TPST1: variants seen among roughly 807,000 people sequenced by gnomAD.
TPST1 encodes protein-tyrosine sulfotransferase 1.
In TPST1, 20 loss-of-function variants were observed where a neutral mutation model predicts 34.8. The observed-to-expected ratio is 0.57, with a 90% CI of 0.40 to 0.84. The LOEUF is 0.84. Ranked by LOEUF, TPST1 falls within the 40% of genes least tolerant of loss-of-function variation. The pLI, the probability that TPST1 is intolerant of heterozygous loss-of-function variation, is 0.00. For missense variants in TPST1, 353 were observed against 455.5 expected (o/e 0.78, Z 2.05); for synonymous variants, 152 against 159.4 (o/e 0.95, Z 0.35).
intron 1 of TPST1, among the ~76,000 whole-genome samples, chr7:66,215,436 G>A (rs963248076): frequency 2.7e-5 from 4 of 149,490 alleles, no homozygotes; most frequent in East Asian, 2.0e-4. Context: ...GTGAAGTGGC[G>A]CGATCTCGGC....
At chr7:66,342,056 GA>G (rs1180690427) in intron 3 of TPST1, among the ~76,000 whole-genome samples, 1 of 152,072 alleles carries the variant, frequency 6.6e-6, no homozygotes, top group Non-Finnish European at 1.5e-5. Flanking sequence ...TGGAATTCCA[GA>G]AAAAGAGAAT....
intron 1 of TPST1, among the ~76,000 whole-genome samples, chr7:66,215,424 G>A (rs1348842745): frequency 1.3e-5 from 2 of 151,518 alleles, no homozygotes; most frequent in Non-Finnish European, 2.9e-5. Context: ...GCCCAGGCTG[G>A]AGTGAAGTGG....
At chr7:66,238,683 G>C (rs1381918644) in intron 1 of TPST1, among the ~76,000 whole-genome samples, 1 of 152,178 alleles carries the variant, frequency 6.6e-6, no homozygotes, top group Non-Finnish European at 1.5e-5. Context: ...GTTGATTTAA[G>C]TGTTAATCAC....
At chr7:66,234,203 G>C (rs956938060) in intron 1 of TPST1, among the ~76,000 whole-genome samples, 3 of 152,100 alleles carry the variant, frequency 2.0e-5, no homozygotes. Flanking sequence ...CCGTTACATG[G>C]CTTTTGCATA....
At chr7:66,245,629 A>G (rs934283889) in intron 2 of TPST1, among the ~76,000 whole-genome samples, 7 of 152,262 alleles carry the variant, frequency 4.6e-5, no homozygotes, top group Non-Finnish European at 1.0e-4. Context: ...TGGTCACACA[A>G]AGAATCTTTG....
At chr7:66,231,350 T>A (rs1431284984) in intron 1 of TPST1, among the ~76,000 whole-genome samples, 3 of 152,240 alleles carry the variant, frequency 2.0e-5, no homozygotes, top group African/African-American at 7.2e-5. Context: ...AGTCCCATGC[T>A]GTGCGCTCGC....
chr7:66,249,971 G>C (rs1790229849), intron 2 of TPST1, among the ~76,000 whole-genome samples: 1 of 152,170 alleles, frequency 6.6e-6, no homozygotes. Context: ...AATGGAAAAG[G>C]GTTGATACTT....
chr7:66,298,936 A>T (rs1025569429), intron 3 of TPST1, among the ~76,000 whole-genome samples: 1 of 151,988 alleles, frequency 6.6e-6, no homozygotes, highest in East Asian at 1.9e-4. Flanking sequence ...ATCCTGGCTA[A>T]CATGGTGAAA....
chr7:66,301,319 G>C (rs913442233), intron 3 of TPST1, among the ~76,000 whole-genome samples: 5 of 152,230 alleles, frequency 3.3e-5, no homozygotes, highest in African/African-American at 1.2e-4. Context: ...GGAATGTCAT[G>C]GCTGGCTTTA....
chr7:66,245,504 T>A (rs1435878454), intron 2 of TPST1, among the ~76,000 whole-genome samples: 2 of 152,156 alleles, frequency 1.3e-5, no homozygotes, highest in Non-Finnish European at 2.9e-5. Context: ...TGATTAGATA[T>A]CAAGGGTAGG....
chr7:66,319,748 T>C (rs554146894), intron 3 of TPST1, among the ~76,000 whole-genome samples: 133 of 152,348 alleles, frequency 8.7e-4, no homozygotes, highest in Non-Finnish European at 1.5e-3. Flanking sequence ...GATAGGCAAG[T>C]GAGCATAGCA....
intron 2 of TPST1, among the ~76,000 whole-genome samples, chr7:66,261,626 A>G (rs1398859004): frequency 1.3e-5 from 2 of 152,080 alleles, no homozygotes; most frequent in African/African-American, 2.4e-5. Context: ...CATTCTGTTT[A>G]TTCTTTTCAT....
chr7:66,223,458 C>CAA (rs34400889), intron 1 of TPST1, among the ~76,000 whole-genome samples: 2,242 of 58,474 alleles, frequency 0.038, 72 homozygotes, highest in Middle Eastern at 0.091. Flanking sequence ...GACCCTGTCT[C>CAA]AAAAAAAAAA....
chr7:66,208,751 G>C (rs1789184528), intron 1 of TPST1, among the ~76,000 whole-genome samples: 1 of 152,256 alleles, frequency 6.6e-6, no homozygotes, highest in East Asian at 1.9e-4. Flanking sequence ...TTACAGGCGT[G>C]AGCCACTGTG....
intron 3 of TPST1, among the ~76,000 whole-genome samples, chr7:66,334,139 T>C (rs934098036): frequency 6.6e-6 from 1 of 152,068 alleles, no homozygotes; most frequent in African/African-American, 2.4e-5. Context: ...ATACTAAAAA[T>C]AGGGAGGTTG....
chr7:66,277,687 C>G (rs1790845992), intron 2 of TPST1, among the ~76,000 whole-genome samples: 2 of 152,098 alleles, frequency 1.3e-5, no homozygotes, highest in South Asian at 4.2e-4. Context: ...CTCAGATTCC[C>G]TCTCATTTCC....
At chr7:66,340,783 G>A (rs1792221307) in intron 3 of TPST1, among the ~76,000 whole-genome samples, 1 of 152,180 alleles carries the variant, frequency 6.6e-6, no homozygotes, top group Admixed American at 6.5e-5. Context: ...TCATGGATTA[G>A]AAGAATTAAT....
chr7:66,242,892 A>G (rs1443738306), intron 2 of TPST1, among the ~76,000 whole-genome samples: 1 of 152,198 alleles, frequency 6.6e-6, no homozygotes, highest in Non-Finnish European at 1.5e-5. Context: ...TAGAAAGTAA[A>G]GAGATGTTAC....
intron 1 of TPST1, among the ~76,000 whole-genome samples, chr7:66,231,964 G>A (rs527964366): frequency 6.6e-6 from 1 of 152,338 alleles, no homozygotes; most frequent in East Asian, 1.9e-4. Context: ...GTTGTAGCAT[G>A]TATTTGTTCT....
Sources: allele counts gnomAD v4.1 joint callset (sites outside exome capture counted in the v4.1 genomes callset), GRCh38; gene constraint gnomAD v4.1.1; transcripts MANE v1.5; gene names NCBI Gene and HGNC (gene_info 2026-07-23, HGNC 2026-07-21).